PIKFYVE: variants seen among roughly 807,000 people sequenced by gnomAD.
PIKFYVE encodes the protein phosphoinositide kinase, FYVE-type zinc finger containing, also known as 1-phosphatidylinositol 3-phosphate 5-kinase.
A neutral mutation model predicts 257.9 loss-of-function variants in PIKFYVE; 122 were observed. That is an observed-to-expected ratio of 0.47 (90% CI 0.41 to 0.55). The LOEUF is 0.55. PIKFYVE is among the 20% of genes least tolerant of loss of function. The probability of loss-of-function intolerance (pLI) is 0.00; values close to 1 mark genes in which losing one functional copy is unlikely to be tolerated. For synonymous variants in PIKFYVE, 892 were observed against 868.9 expected (o/e 1.03, Z -0.47); for missense variants, 2,160 against 2,536.6 (o/e 0.85, Z 3.19).
chr2:208,355,347 G>A lies in PIKFYVE; in HGVS notation c.*42G>A. The A allele has an allele frequency of 6.6e-7, 1 of 1,515,752 alleles. No homozygotes were observed. Among genetic ancestry groups the A allele is most frequent in the Admixed American group, 1.7e-5 (1 of 59,328 alleles). 93.9% of individuals were successfully genotyped at this position (1,515,752 alleles called of 1,614,324 possible). On this transcript the variant is annotated 3_prime_UTR_variant, in exon 42 of 42. Transcript: ENST00000264380. ...TGAAATGGACTGTGAAGGAAAAGGG[G>A]ACAGGAACAAAGGACCAAAAATAAG...
intron 7 of PIKFYVE, among the ~76,000 whole-genome samples, chr2:208,298,282 A>G (rs1332546958): frequency 6.6e-6 from 1 of 152,218 alleles, no homozygotes; most frequent in Non-Finnish European, 1.5e-5. Flanking sequence ...CAGCATTTTA[A>G]CAAGAAGACT....
At chr2:208,268,830 T>G (rs959702568) in intron 1 of PIKFYVE, among the ~76,000 whole-genome samples, 17 of 152,212 alleles carry the variant, frequency 1.1e-4, no homozygotes, top group African/African-American at 4.1e-4. Flanking sequence ...AAATTCTGTT[T>G]AAGTCAGTGG....
At position 208,354,125 on chromosome 2, in the gene PIKFYVE, T is replaced by C. The variant is rs1700009028; in HGVS notation, c.6072T>C (p.Asp2024=). The change falls in exon 40 of 42, where the codon GAT becomes GAC. Residue 2024 remains aspartate, a synonymous_variant. Transcript: ENST00000264380. ...IIDYSLLVGR[D]DTSNELVVGI... ...ATTATTCTTTGCTGGTTGGGCGAGA[T>C]GATACTAGCAATGAGCTAGTAGTTG... is the stretch of plus-strand genomic sequence containing the variant. 4 of 1,613,838 alleles carry C rather than the reference T, an allele frequency of 2.5e-6. No individual in the cohort carries two copies. Among genetic ancestry groups the C allele is most frequent in the Non-Finnish European group, 3.4e-6 (4 of 1,179,874 alleles).
rs761955402 is a variant in PIKFYVE at position 208,324,979 on chromosome 2, G to A, written c.2400G>A (p.Thr800=). 1.5e-5 allele frequency: 25 copies of A among 1,614,068 alleles called. No individual in the cohort carries two copies. Among genetic ancestry groups the A allele is most frequent in the South Asian group, 2.2e-5 (2 of 91,086 alleles). ...DLVMSMDQLL[T]KPHLGTCHKF... ...TGATGTCAATGGACCAGCTGCTTAC[G>A]AAACCACACCTGGGCACTTGTCACA... The change falls in exon 19 of 42, where the codon ACG becomes ACA. Residue 800 remains threonine (T), a synonymous_variant. Transcript: ENST00000264380.
Position 208,338,549 on chromosome 2 carries a change from A to C in PIKFYVE, c.4653A>C (p.Gly1551=). The change falls in exon 29 of 42, where the codon GGA becomes GGC. Residue 1551 remains glycine, a synonymous_variant. Transcript: ENST00000264380. The stretch of plus-strand genomic sequence containing the variant: ...CATCTCCACGGAATATTTCTCCAGG[A>C]CTTCAGAATGGAGAAAAAGGTTGGT... The part of the protein sequence containing the change: ...MDASPRNISP[G]LQNGEKEDRF... The C allele has an allele frequency of 6.2e-7, 1 of 1,613,248 alleles. No homozygotes were observed. Among genetic ancestry groups the C allele is most frequent in the Non-Finnish European group, 8.5e-7 (1 of 1,179,318 alleles).
At chr2:208,342,676 G>A in intron 32 of PIKFYVE, 27 bp downstream of exon 32, 2 of 1,525,478 alleles carry the variant, frequency 1.3e-6, no homozygotes, top group Non-Finnish European at 1.8e-6. Context: ...TTTGACTTAT[G>A]ATGATATCTA....
intron 5 of PIKFYVE, among the ~76,000 whole-genome samples, chr2:208,283,698 T>G (rs1691145955): frequency 6.6e-6 from 1 of 152,068 alleles, no homozygotes; most frequent in Non-Finnish European, 1.5e-5. Context: ...CTCCTACCTC[T>G]CCGCCTCCCA....
rs1690156545 is a variant in PIKFYVE at position 208,276,712 on chromosome 2, A to T, written c.323A>T (p.Asp108Val). ...TTGCTTTTTTTTTAATCCAACTCAG[A>T]CACAAGAAGGAAAGCAGAACCTACC... ...EELQRRSSAL[D>V]TRRKAEPTFG... The change falls in exon 4 of 42, where the codon GAC (aspartate) becomes GTC (valine). Residue 108 changes from aspartate to valine, a missense_variant and splice_region_variant. This residue lies in a region of PIKFYVE where 172 missense variants were observed against 180.6 expected (regional missense o/e 0.95). Transcript: ENST00000264380. 4 of 1,611,906 alleles carry T rather than the reference A, an allele frequency of 2.5e-6. No homozygotes were observed. Among genetic ancestry groups the T allele is most frequent in the Non-Finnish European group, 3.4e-6 (4 of 1,178,164 alleles).
chr2:208,296,188 A>G (rs1692960478), intron 7 of PIKFYVE, among the ~76,000 whole-genome samples: 2 of 152,152 alleles, frequency 1.3e-5, no homozygotes, highest in South Asian at 4.1e-4. Flanking sequence ...TATTTTTAAT[A>G]GAGACAGAGT....
At chr2:208,334,048 T>C (rs1221180832) in intron 24 of PIKFYVE, among the ~76,000 whole-genome samples, 1 of 152,242 alleles carries the variant, frequency 6.6e-6, no homozygotes, top group East Asian at 1.9e-4. Context: ...ATAATTCTGA[T>C]AGAGCTAAAA....
intron 7 of PIKFYVE, among the ~76,000 whole-genome samples, chr2:208,290,773 C>T (rs931533068): frequency 6.6e-6 from 1 of 152,146 alleles, no homozygotes; most frequent in African/African-American, 2.4e-5. Flanking sequence ...ATCCTCATCA[C>T]ATTTGGTGTT....
intron 7 of PIKFYVE, among the ~76,000 whole-genome samples, chr2:208,292,298 T>C (rs1212242113): frequency 1.3e-5 from 2 of 152,136 alleles, no homozygotes; most frequent in Non-Finnish European, 2.9e-5. Context: ...CTATAAGATA[T>C]TCATTATATC....
chr2:208,320,266 T>C lies in PIKFYVE; in HGVS notation c.2097T>C (p.Ile699=). The stretch of plus-strand genomic sequence containing the variant: ...ATTTTTTGTAGATGAGTTCTTGTAT[T>C]AAAAACCCCAAAATTCTTCTGTTGA... ...NIAHKKMSSC[I]KNPKILLLKC... Residue 699 remains isoleucine, a synonymous_variant, in exon 17 of 42, where the codon ATT becomes ATC. Coordinates refer to ENST00000264380, the MANE Select transcript of PIKFYVE (RefSeq NM_015040.4). 1 of 1,611,366 alleles carries C rather than the reference T, an allele frequency of 6.2e-7. No individual in the cohort carries two copies. The highest frequency in any genetic ancestry group is 8.5e-7 in the Non-Finnish European group (1 of 1,178,444).
chr2:208,339,495 G>A lies in PIKFYVE; in HGVS notation c.4750G>A (p.Val1584Ile). 6.2e-7 allele frequency: 1 copy of A among 1,614,158 alleles called. No individual in the cohort carries two copies. The highest frequency in any genetic ancestry group is 8.5e-7 in the Non-Finnish European group (1 of 1,180,014). Residue 1584 changes from valine (V) to isoleucine (I), a missense_variant, in exon 30 of 42, where the codon GTC (valine) becomes ATC (isoleucine). Transcript: ENST00000264380. ...TCTCCAATTGCCTACGCCACCTGAA[G>A]TCATGTCTGAACAGTCAGTGGGAGG... ...THLQLPTPPE[V>I]MSEQSVGGPP... is the part of the protein sequence containing the mutation.
intron 6 of PIKFYVE, among the ~76,000 whole-genome samples, chr2:208,286,878 C>T (rs569758702): frequency 1.3e-5 from 2 of 152,054 alleles, no homozygotes; most frequent in African/African-American, 2.4e-5. Context: ...CAAATCTGGC[C>T]GTTACAAAGA....
At chr2:208,287,684 TCC>T (rs1691764754) in intron 6 of PIKFYVE, among the ~76,000 whole-genome samples, 1 of 152,164 alleles carries the variant, frequency 6.6e-6, no homozygotes, top group Admixed American at 6.6e-5. Context: ...CACTGCAACC[TCC>T]GCCTCCCAGG....
intron 16 of PIKFYVE, 114 bp from the exon 17 acceptor site, chr2:208,320,138 G>T (rs1333611577): frequency 7.3e-7 from 1 of 1,360,580 alleles, no homozygotes; most frequent in Non-Finnish European, 9.8e-7. Context: ...ATACTAATAT[G>T]AGATACATTA....
At chr2:208,276,366 A>AGAAGAAATTTATTTATTTATT (rs1690107092) in intron 3 of PIKFYVE, among the ~76,000 whole-genome samples, 1 of 152,086 alleles carries the variant, frequency 6.6e-6, no homozygotes, top group Non-Finnish European at 1.5e-5. Context: ...AATTTCTAGC[A>AGAAGAAATTTATTTATTTATT]TGCATTTATT....
chr2:208,304,808 C>A, intron 11 of PIKFYVE, 38 bp from the exon 12 acceptor site: 1 of 1,593,006 alleles, frequency 6.3e-7, no homozygotes, highest in Non-Finnish European at 8.6e-7. Context: ...TACTCCCCTC[C>A]TCTCCCTATA....
Sources: gnomAD v4.1 joint callset for allele counts (sites outside exome capture counted in the v4.1 genomes callset) on GRCh38, gnomAD v4.1.1 for gene constraint, gnomAD v4.1.1 regional missense constraint, MANE v1.5 for transcripts, NCBI Gene and HGNC (gene_info 2026-07-23, HGNC 2026-07-21) for gene names.